The following CTDSPL variants were observed in gnomAD, a reference collection of about 807,000 sequenced individuals.
CTDSPL encodes the protein CTD small phosphatase like.
CTDSPL carries 8 observed loss-of-function variants against 30.5 expected under a neutral mutation model. The ratio of observed to expected loss-of-function variants is 0.26; its 90% CI spans 0.15 to 0.47. The LOEUF (loss-of-function observed/expected upper bound fraction) is 0.47. Among genes scored for constraint, CTDSPL ranks in the 20% least tolerant of loss-of-function variants. The probability of loss-of-function intolerance (pLI) is 0.99; values close to 1 mark genes in which losing one functional copy is unlikely to be tolerated. For missense variants in CTDSPL, 248 were observed against 366.1 expected (o/e 0.68, Z 2.63); for synonymous variants, 110 against 137.9 (o/e 0.80, Z 1.42).
chr3:37,978,281 A>G (rs905201015), intron 7 of CTDSPL, among the ~76,000 whole-genome samples: 1 of 151,974 alleles, frequency 6.6e-6, no homozygotes, highest in African/African-American at 2.4e-5. Flanking sequence ...TCTAATTTTC[A>G]CCTTTGGCTA....
At chr3:37,921,192 C>A (rs1290070270) in intron 1 of CTDSPL, among the ~76,000 whole-genome samples, 1 of 152,178 alleles carries the variant, frequency 6.6e-6, no homozygotes, top group Non-Finnish European at 1.5e-5. Flanking sequence ...GGCCATTTTC[C>A]CCCCAGGTAA....
chr3:37,951,086 G>C (rs776479542), intron 2 of CTDSPL, among the ~76,000 whole-genome samples: 1 of 152,176 alleles, frequency 6.6e-6, no homozygotes, highest in Non-Finnish European at 1.5e-5. Flanking sequence ...GTTAGAAATG[G>C]GCTGGGTGCA....
At chr3:37,867,848 C>T (rs1559620094) in intron 1 of CTDSPL, among the ~76,000 whole-genome samples, 1 of 152,126 alleles carries the variant, frequency 6.6e-6, no homozygotes, top group Non-Finnish European at 1.5e-5. Context: ...TGCATGAATT[C>T]ATTTTTTGTA....
intron 1 of CTDSPL, among the ~76,000 whole-genome samples, chr3:37,925,050 G>A (rs1248654157): frequency 6.6e-6 from 1 of 152,098 alleles, no homozygotes; most frequent in East Asian, 1.9e-4. Context: ...CAGCCAAACT[G>A]TCCTCCTTAT....
rs773003699 is a variant in CTDSPL, at chr3:37,964,556, A to G, written c.268-15A>G. 5.7e-6 allele frequency: 9 copies of G among 1,578,384 alleles called. No homozygotes were observed. The highest frequency in any genetic ancestry group is 2.2e-5 in the East Asian group (1 of 44,670). On this transcript the variant is annotated splice_polypyrimidine_tract_variant and intron_variant, in intron 3 of 7. Coordinates refer to ENST00000273179, the MANE Select transcript of CTDSPL (RefSeq NM_001008392.2). ...TTTTACATAAATGTAATACTGATTT[A>G]TTTTTCCCCTTTAGCCACCAGCTAA...
At chr3:37,927,684 G>GTGTGTGTGTA (rs372845166) in intron 1 of CTDSPL, among the ~76,000 whole-genome samples, 3 of 117,758 alleles carry the variant, frequency 2.5e-5, no homozygotes, top group African/African-American at 7.1e-5. Context: ...GTGTGTATGT[G>GTGTGTGTGTA]TATATATATA....
chr3:37,952,406 T>C (rs1446100537), intron 2 of CTDSPL, among the ~76,000 whole-genome samples: 1 of 152,244 alleles, frequency 6.6e-6, no homozygotes, highest in Non-Finnish European at 1.5e-5. Context: ...CTTGGTATGT[T>C]TGCCTTCATC....
At position 37,975,817 on chromosome 3, in the gene CTDSPL, C is replaced by T. The variant is rs901758190; in HGVS notation, c.628C>T (p.Arg210Cys). The T allele has an allele frequency of 5.6e-6, 9 of 1,613,976 alleles. No individual in the cohort carries two copies. Among genetic ancestry groups the T allele is most frequent in the Admixed American group, 3.3e-5 (2 of 59,990 alleles). The change falls in exon 7 of 8, where the codon CGC becomes TGC. Residue 210 changes from arginine (R) to cysteine (C), a missense_variant. Coordinates refer to ENST00000273179, the MANE Select transcript of CTDSPL (RefSeq NM_001008392.2). The surrounding 1 kb of genome is among the most constrained non-coding windows in gnomAD (Gnocchi z 4.9). Reference sequence around the variant, plus strand: ...TGGGAACTACGTGAAGGACCTGAGTCGCCTTGGGCGGGAGCTGAGCAAAGT... The same window carrying T: ...TGGGAACTACGTGAAGGACCTGAGTTGCCTTGGGCGGGAGCTGAGCAAAGT... ...HRGNYVKDLS[R>C]LGRELSKVII...
At chr3:37,971,826 A>G (rs1699370014) in intron 6 of CTDSPL, among the ~76,000 whole-genome samples, 1 of 152,164 alleles carries the variant, frequency 6.6e-6, no homozygotes, top group African/African-American at 2.4e-5. Flanking sequence ...TCAACCATTG[A>G]CTGTCAGCCA....
At chr3:37,973,978 G>T (rs983848787) in intron 6 of CTDSPL, among the ~76,000 whole-genome samples, 3 of 152,234 alleles carry the variant, frequency 2.0e-5, no homozygotes, top group African/African-American at 7.2e-5. Flanking sequence ...CCCACAGGGC[G>T]CGTGCAGCCC....
Position 37,862,388 on chromosome 3 carries a change from G to A in CTDSPL, c.79+110G>A, listed in dbSNP as rs1233095903. On this transcript the variant is annotated intron_variant, in intron 1 of 7. Transcript: ENST00000273179. This position sits in a 1 kb window ranked among gnomAD's most constrained non-coding sequence, Gnocchi z 4.3. ...CCTGGGGGAGGGGTGCACAGGGCCC[G>A]GAGGGTGCGTGGGTGTGGGGTGCGC... The A allele has an allele frequency of 5.5e-6, 5 of 914,846 alleles. No individual in the cohort carries two copies. In the Admixed American group the frequency reaches 1.4e-4, roughly 26 times the overall value. The allele number at this position is 914,846 out of a possible 1,614,324, so 56.7% of individuals were successfully genotyped here. A position where few individuals can be genotyped will look rare whatever the true frequency, so the allele number is the denominator to read the frequency against.
chr3:37,982,672 C>T lies in CTDSPL; in HGVS notation c.*1805C>T, dbSNP rs1317975759. On this transcript the variant is annotated 3_prime_UTR_variant, in exon 8 of 8. Transcript: ENST00000273179. ...AGTATTCAGGGGGTAAACAGGTCTC[C>T]CAGCATTCTGAGTGTTCCAAACCAG... 2.2e-6 allele frequency: 1 copy of T among 456,592 alleles called. No homozygotes were observed. Among genetic ancestry groups the T allele is most frequent in the South Asian group, 1.5e-5 (1 of 64,562 alleles). The allele number at this position is 456,592 out of a possible 1,614,324, so 28.3% of individuals were successfully genotyped here.
chr3:37,868,079 A>G (rs922986539), intron 1 of CTDSPL, among the ~76,000 whole-genome samples: 11 of 152,128 alleles, frequency 7.2e-5, no homozygotes, highest in African/African-American at 2.7e-4. Context: ...CATCACCTTG[A>G]GTAATTATCA....
intron 1 of CTDSPL, among the ~76,000 whole-genome samples, chr3:37,907,584 A>C (rs1481827269): frequency 6.6e-6 from 1 of 152,246 alleles, no homozygotes; most frequent in Non-Finnish European, 1.5e-5. Context: ...GGGAGAGGAC[A>C]GAGCATTAAA....
At chr3:37,948,152 T>C (rs923938490) in intron 2 of CTDSPL, among the ~76,000 whole-genome samples, 1 of 151,876 alleles carries the variant, frequency 6.6e-6, no homozygotes. Context: ...GGCATGGTGG[T>C]GGGCACCTGT....
intron 1 of CTDSPL, among the ~76,000 whole-genome samples, chr3:37,912,483 C>T (rs563578901): frequency 5.9e-5 from 9 of 152,252 alleles, no homozygotes; most frequent in East Asian, 1.9e-4. Context: ...GATGACCACA[C>T]GAGGCTGAGG....
At chr3:37,952,153 G>A (rs1333340192) in intron 2 of CTDSPL, among the ~76,000 whole-genome samples, 1 of 151,840 alleles carries the variant, frequency 6.6e-6, no homozygotes, top group Non-Finnish European at 1.5e-5. Flanking sequence ...CTCCAGCCTG[G>A]GTGCTAGAGC....
At chr3:37,974,212 G>C (rs1462055921) in intron 6 of CTDSPL, among the ~76,000 whole-genome samples, 1 of 152,220 alleles carries the variant, frequency 6.6e-6, no homozygotes, top group African/African-American at 2.4e-5. Flanking sequence ...AGCCTCACCA[G>C]CAGATGACTG....
chr3:37,981,066 A>T lies in CTDSPL; in HGVS notation c.*199A>T, dbSNP rs1699486087. On this transcript the variant is annotated 3_prime_UTR_variant, in exon 8 of 8. Transcript: ENST00000273179. The stretch of plus-strand genomic sequence containing the variant: ...TAAAAGAACTCTTTTAAGAAATTTC[A>T]TAAAGGGACATGCATTTTACTGGGT... 7 of 456,830 alleles carry T rather than the reference A, an allele frequency of 1.5e-5. No homozygotes were observed. The highest frequency in any genetic ancestry group is 2.1e-5 in the Non-Finnish European group (6 of 282,050). The allele number at this position is 456,830 out of a possible 1,614,324, so 28.3% of individuals were successfully genotyped here.
Sources: allele counts gnomAD v4.1 joint callset (sites outside exome capture counted in the v4.1 genomes callset), GRCh38; gene constraint gnomAD v4.1.1; non-coding constraint Gnocchi (gnomAD v3.1); transcripts MANE v1.5; gene names NCBI Gene and HGNC (gene_info 2026-07-23, HGNC 2026-07-21).